The following TRMT9B variants were observed in gnomAD, a reference collection of about 807,000 sequenced individuals.
The protein encoded by TRMT9B is tRNA methyltransferase 9B (putative), also known as probable tRNA methyltransferase 9B.
A neutral mutation model predicts 11.5 loss-of-function variants in TRMT9B; 16 were observed. That is an observed-to-expected ratio of 1.39 (90% CI 0.94 to 2.11). TRMT9B has a LOEUF of 2.11. Among genes scored for constraint, TRMT9B ranks in the 30% most tolerant of loss-of-function variants. TRMT9B has a pLI of 0.00. For synonymous variants in TRMT9B, 274 were observed against 192.4 expected (o/e 1.42, Z -3.51); for missense variants, 941 against 553.8 (o/e 1.70, Z -7.02).
chr8:13,017,614 C>CTT (rs34715221), intron 4 of TRMT9B, among the ~76,000 whole-genome samples: 69,985 of 117,456 alleles, frequency 0.6, 22,536 homozygotes, highest in South Asian at 0.78. Context: ...CATTTGTAGG[C>CTT]TTTTTTTTTT....
chr8:12,980,442 T>C (rs1345981784), intron 1 of TRMT9B, among the ~76,000 whole-genome samples: 1 of 152,074 alleles, frequency 6.6e-6, no homozygotes. Context: ...TTCCAGAGGT[T>C]AGGATGTGGG....
chr8:12,965,679 G>C (rs2460916), intron 1 of TRMT9B, among the ~76,000 whole-genome samples: 6,011 of 152,012 alleles, frequency 0.04, 159 homozygotes, highest in African/African-American at 0.07. Context: ...GGAGCTTGTG[G>C]AGACAGGCAC....
At chr8:12,985,645 A>T (rs531489716) in intron 1 of TRMT9B, among the ~76,000 whole-genome samples, 2 of 152,280 alleles carry the variant, frequency 1.3e-5, no homozygotes, top group South Asian at 4.1e-4. Context: ...TCTGTAGCCT[A>T]GTAGGTGCTT....
chr8:12,981,082 T>G (rs1365411876), intron 1 of TRMT9B, among the ~76,000 whole-genome samples: 1 of 151,082 alleles, frequency 6.6e-6, no homozygotes, highest in Non-Finnish European at 1.5e-5. Context: ...TTTTTGTTTG[T>G]TTGTTTCTTT....
rs1456884347 is a variant in TRMT9B, at chr8:13,021,087, A to T, written c.408A>T (p.Gln136His). 1.2e-6 allele frequency: 2 copies of T among 1,608,680 alleles called. No individual in the cohort carries two copies. The highest frequency in any genetic ancestry group is 1.3e-5 in the African/African-American group (1 of 74,910). The change falls in exon 5 of 5, where the codon CAA becomes CAT. Residue 136 changes from glutamine (Q) to histidine (H), a missense_variant. Gln to His is a conservative substitution (Grantham distance 24). Transcript: ENST00000524591. ...EMARVLVPGG[Q>H]LMIYVWAMEQ... ...CCAGGGTCTTAGTTCCCGGAGGCCA[A>T]CTGATGATTTACGTTTGGGCAATGG...
Position 13,021,183 on chromosome 8 carries a change from C to G in TRMT9B, c.504C>G (p.Leu168=), listed in dbSNP as rs758970352. 1 of 1,613,848 alleles carries G rather than the reference C, an allele frequency of 6.2e-7. No homozygotes were observed. The highest frequency in any genetic ancestry group is 8.5e-7 in the Non-Finnish European group (1 of 1,179,826). The change falls in exon 5 of 5, where the codon CTC becomes CTG. Residue 168 remains leucine (L), a synonymous_variant. Transcript: ENST00000524591. Reference sequence around the variant, plus strand: ...GGAACAGGGCTCTGTGTTCCCAGCTCTTCTCAGAGTCCAGCCAGTCTGGGA... The same window carrying G: ...GGAACAGGGCTCTGTGTTCCCAGCTGTTCTCAGAGTCCAGCCAGTCTGGGA... ...VPWNRALCSQ[L]FSESSQSGRK... is the part of the protein sequence containing the mutation.
intron 1 of TRMT9B, among the ~76,000 whole-genome samples, chr8:12,987,258 T>C (rs973298086): frequency 9.2e-5 from 14 of 152,214 alleles, no homozygotes; most frequent in African/African-American, 3.1e-4. Flanking sequence ...CTATATTATA[T>C]AGTTATTGGG....
At chr8:12,959,925 C>A (rs920834414) in intron 1 of TRMT9B, 7 of 152,152 alleles carry the variant, frequency 4.6e-5, no homozygotes, top group African/African-American at 1.4e-4. Flanking sequence ...TAGGGAGCTT[C>A]CAGGTACCCA....
intron 3 of TRMT9B, chr8:13,010,235 C>G: frequency 1.1e-6 from 1 of 878,466 alleles, no homozygotes; most frequent in Non-Finnish European, 1.4e-6. Context: ...CAATTTGTAT[C>G]TTTTGAATTT....
rs1375024312 is a variant in TRMT9B, at chr8:13,023,430, A to C, written c.*1386A>C. ...TAGTTATATTAGGAATTTAGGTAGAATCAACTTCTACTGATTACAGGTTGA... is the reference window on the plus strand; with the variant it reads ...TAGTTATATTAGGAATTTAGGTAGACTCAACTTCTACTGATTACAGGTTGA... On this transcript the variant is annotated 3_prime_UTR_variant, in exon 5 of 5. Transcript: ENST00000524591. The C allele has an allele frequency of 6.0e-6, 1 of 167,110 alleles. No homozygotes were observed. The highest frequency in any genetic ancestry group is 1.5e-5 in the Non-Finnish European group (1 of 68,138). The allele number at this position is 167,110 out of a possible 1,614,324, so 10.4% of individuals were successfully genotyped here.
chr8:12,968,804 C>G (rs1054746363), intron 1 of TRMT9B, among the ~76,000 whole-genome samples: 1 of 152,150 alleles, frequency 6.6e-6, no homozygotes, highest in Non-Finnish European at 1.5e-5. Context: ...GGGTAGAGAG[C>G]CATGCTGTTC....
At chr8:13,002,099 A>G (rs550291856) in intron 2 of TRMT9B, among the ~76,000 whole-genome samples, 11 of 152,376 alleles carry the variant, frequency 7.2e-5, no homozygotes, top group Non-Finnish European at 8.8e-5. Context: ...TATTACTTAT[A>G]CACTTAAAAA....
In TRMT9B at chr8:12,991,051, T is replaced by C. The variant is rs1807244604; in HGVS notation, c.-2+20T>C. On this transcript the variant is annotated intron_variant, in intron 2 of 4. Transcript: ENST00000524591. ...ACTCAGGTTAGTAGCTTTCAGCGCT[T>C]CTGCAACTCACATACCATGAGGTGT... 8.5e-7 allele frequency: 1 copy of C among 1,172,406 alleles called. No individual in the cohort carries two copies. The highest frequency in any genetic ancestry group is 1.6e-5 in the African/African-American group (1 of 63,024). The allele number at this position is 1,172,406 out of a possible 1,614,324, so 72.6% of individuals were successfully genotyped here. A position where few individuals can be genotyped will look rare whatever the true frequency, so the allele number is the denominator to read the frequency against.
chr8:12,976,531 G>C (rs1804478581), intron 1 of TRMT9B, among the ~76,000 whole-genome samples: 1 of 151,922 alleles, frequency 6.6e-6, no homozygotes, highest in African/African-American at 2.4e-5. Context: ...CTTGAGGTCA[G>C]GAGTTTGAGA....
chr8:12,959,921 G>A (rs975163948), intron 1 of TRMT9B: 7 of 152,164 alleles, frequency 4.6e-5, no homozygotes, highest in African/African-American at 1.4e-4. Context: ...AGAATAGGGA[G>A]CTTCCAGGTA....
At position 13,012,683 on chromosome 8, in the gene TRMT9B, G is replaced by C. The variant is rs757868573; in HGVS notation, c.155-1G>C. 6.2e-7 allele frequency: 1 copy of C among 1,611,800 alleles called. No individual in the cohort carries two copies. The highest frequency in any genetic ancestry group is 8.5e-7 in the Non-Finnish European group (1 of 1,178,752). The stretch of plus-strand genomic sequence containing the variant: ...ATGTAACGCAGGTTTTTCTCTTATA[G>C]GTTGTGGGACTGGAAAATATCTTAA... On this transcript the variant is annotated splice_acceptor_variant, in intron 3 of 4. Coordinates refer to ENST00000524591, the MANE Select transcript of TRMT9B (RefSeq NM_020844.3). LOFTEE classifies it high-confidence loss of function.
At chr8:12,946,290 T>C (rs949669906) in intron 1 of TRMT9B, among the ~76,000 whole-genome samples, 1 of 152,082 alleles carries the variant, frequency 6.6e-6, no homozygotes, top group African/African-American at 2.4e-5. Flanking sequence ...GAAGAGCAGA[T>C]TAAGCAATTA....
chr8:12,974,008 A>T (rs1194673860), intron 1 of TRMT9B, among the ~76,000 whole-genome samples: 2 of 151,988 alleles, frequency 1.3e-5, no homozygotes, highest in Non-Finnish European at 2.9e-5. Flanking sequence ...AATATATTAA[A>T]ATTTTTTTTT....
At chr8:13,015,225 TATTTTTA>T (rs757657952) in intron 4 of TRMT9B, among the ~76,000 whole-genome samples, 34 of 152,236 alleles carry the variant, frequency 2.2e-4, no homozygotes, top group Non-Finnish European at 4.1e-4. Flanking sequence ...AAGAATTTTT[TATTTTTA>T]TTTTTTATTT....
Sources: allele counts gnomAD v4.1 joint callset (sites outside exome capture counted in the v4.1 genomes callset), GRCh38; gene constraint gnomAD v4.1.1; transcripts MANE v1.5; gene names NCBI Gene and HGNC (gene_info 2026-07-23, HGNC 2026-07-21).